Variants in TCERG1L observed in about 807,000 individuals in gnomAD.
The protein encoded by TCERG1L is transcription elongation regulator 1 like, also known as transcription elongation regulator 1-like protein.
TCERG1L carries 37 observed loss-of-function variants against 56.3 expected under a neutral mutation model. The ratio of observed to expected loss-of-function variants is 0.66; its 90% CI spans 0.51 to 0.87. The LOEUF (loss-of-function observed/expected upper bound fraction) is 0.87. Ranked by LOEUF, TCERG1L falls within the 40% of genes least tolerant of loss-of-function variation. The pLI is 0.00. For synonymous variants in TCERG1L, 324 were observed against 326.3 expected (o/e 0.99, Z 0.08); for missense variants, 799 against 774.2 (o/e 1.03, Z -0.38).
chr10:131,290,330 C>T (rs898282995), intron 3 of TCERG1L, among the ~76,000 whole-genome samples: 2 of 152,124 alleles, frequency 1.3e-5, no homozygotes, highest in African/African-American at 2.4e-5. Flanking sequence ...TTGAAGCCTA[C>T]TTTTAAAAAC....
At chr10:131,188,205 C>T (rs1015591232) in intron 4 of TCERG1L, among the ~76,000 whole-genome samples, 1 of 152,210 alleles carries the variant, frequency 6.6e-6, no homozygotes, top group African/African-American at 2.4e-5. Flanking sequence ...TGTGAAGTTC[C>T]CTGCCTGTTT....
chr10:131,184,918 T>C (rs909134241), intron 4 of TCERG1L, among the ~76,000 whole-genome samples: 3 of 152,102 alleles, frequency 2.0e-5, no homozygotes, highest in African/African-American at 7.2e-5. Flanking sequence ...CTCTAGAAAG[T>C]CATGTATACA....
At chr10:131,219,721 C>T (rs759412090) in intron 4 of TCERG1L, among the ~76,000 whole-genome samples, 9 of 152,168 alleles carry the variant, frequency 5.9e-5, no homozygotes, top group Non-Finnish European at 1.0e-4. Context: ...CTGGGGCGTT[C>T]GGGGCTGGAT....
chr10:131,214,094 A>G (rs1004170749), intron 4 of TCERG1L, among the ~76,000 whole-genome samples: 4 of 152,208 alleles, frequency 2.6e-5, no homozygotes, highest in Non-Finnish European at 5.9e-5. Flanking sequence ...CTGGGCAGTC[A>G]TTTATGAATT....
At chr10:131,159,504 T>C (rs1184588328) in intron 6 of TCERG1L, among the ~76,000 whole-genome samples, 2 of 152,104 alleles carry the variant, frequency 1.3e-5, no homozygotes, top group East Asian at 1.9e-4. Context: ...GCATGGGTTG[T>C]TTCAAATGGG....
intron 4 of TCERG1L, among the ~76,000 whole-genome samples, chr10:131,204,389 T>C (rs2133479155): frequency 6.6e-6 from 1 of 152,340 alleles, no homozygotes; most frequent in African/African-American, 2.4e-5. Context: ...CTCAGGAAAC[T>C]GGCACCTGCC....
chr10:131,224,987 C>T (rs1455360922), intron 4 of TCERG1L, among the ~76,000 whole-genome samples: 7 of 152,120 alleles, frequency 4.6e-5, no homozygotes, highest in East Asian at 1.9e-4. Flanking sequence ...GTGGACCTGC[C>T]GTGTGCTGAG....
chr10:131,094,226 G>A lies in TCERG1L; in HGVS notation c.1605-908C>T, dbSNP rs115211230. Among the ~76,000 whole-genome samples, 731 of 152,320 alleles carry A rather than the reference G, an allele frequency of 4.8e-3. 9 individuals carry two copies. The highest frequency in any genetic ancestry group is 0.014 in the Admixed American group (208 of 15,310). On this transcript the variant is annotated intron_variant, in intron 11 of 11. Coordinates refer to ENST00000368642, the MANE Select transcript of TCERG1L (RefSeq NM_174937.4). Reference sequence around the variant, plus strand: ...GGTAGAGGGACCAAGGCCTGGAGCCGCTGGCCTATGCAGATGCACTCGCTT... The same window carrying A: ...GGTAGAGGGACCAAGGCCTGGAGCCACTGGCCTATGCAGATGCACTCGCTT...
intron 4 of TCERG1L, among the ~76,000 whole-genome samples, chr10:131,252,261 T>C (rs1846119915): frequency 6.6e-6 from 1 of 152,174 alleles, no homozygotes; most frequent in African/African-American, 2.4e-5. Flanking sequence ...TTTCAATGGG[T>C]GAGTCACATG....
intron 8 of TCERG1L, among the ~76,000 whole-genome samples, chr10:131,130,902 G>T (rs1178691608): frequency 2.0e-5 from 3 of 151,964 alleles, no homozygotes; most frequent in Non-Finnish European, 2.9e-5. Flanking sequence ...TGCAGGGACG[G>T]GCATCAACCC....
intron 4 of TCERG1L, among the ~76,000 whole-genome samples, chr10:131,186,837 T>C (rs1003597561): frequency 6.6e-6 from 1 of 152,132 alleles, no homozygotes; most frequent in Non-Finnish European, 1.5e-5. Context: ...CATCGGCTGG[T>C]TTTTGTTTTC....
rs1392389008 is a variant in TCERG1L, at chr10:131,103,980, C to T, written c.1485+285G>A. Among the ~76,000 whole-genome samples the T allele has an allele frequency of 2.6e-5, 4 of 152,102 alleles. No homozygotes were observed. The highest frequency in any genetic ancestry group is 3.8e-4 in the East Asian group (2 of 5,196). On this transcript the variant is annotated intron_variant, in intron 10 of 11. Transcript: ENST00000368642. The surrounding 1 kb of genome is among the most constrained non-coding windows in gnomAD (Gnocchi z 4.3). ...TTAAGTATTTCATATTTTTAACATA[C>T]GATTTATAGTCATTTGGAATGAGGG... is the stretch of plus-strand genomic sequence containing the variant.
At chr10:131,229,124 T>C (rs1344147203) in intron 4 of TCERG1L, among the ~76,000 whole-genome samples, 11 of 93,170 alleles carry the variant, frequency 1.2e-4, no homozygotes, top group Non-Finnish European at 1.5e-4. Flanking sequence ...TTCCTCAAGG[T>C]CTCCGGAGGC....
At chr10:131,228,030 C>G (rs574915352) in intron 4 of TCERG1L, among the ~76,000 whole-genome samples, 4 of 151,992 alleles carry the variant, frequency 2.6e-5, no homozygotes, top group South Asian at 2.1e-4. Context: ...CCCAGCCCCC[C>G]TCTCCGTGCT....
chr10:131,213,053 CA>C, intron 4 of TCERG1L, among the ~76,000 whole-genome samples: 1 of 152,354 alleles, frequency 6.6e-6, no homozygotes, highest in African/African-American at 2.4e-5. Context: ...GGCAGCCAAG[CA>C]AACTGTTCCC....
Position 131,146,665 on chromosome 10 carries a change from T to C in TCERG1L, c.1035-5A>G, listed in dbSNP as rs760857179. 1.2e-6 allele frequency: 2 copies of C among 1,607,138 alleles called. No homozygotes were observed. The highest frequency in any genetic ancestry group is 4.5e-5 in the East Asian group (2 of 44,794). On this transcript the variant is annotated splice_polypyrimidine_tract_variant and splice_region_variant and intron_variant, in intron 6 of 11. Transcript: ENST00000368642. ...TCGCCCGTCCAGACCACACACCTGT[T>C]TGAGTGGAAAAACTCATCTCAGTCG...
rs553885927 is a variant in TCERG1L at position 131,179,565 on chromosome 10, C to T, written c.857-12680G>A. On this transcript the variant is annotated intron_variant, in intron 4 of 11. Transcript: ENST00000368642. ...AGCAGCCAGGGGGACTGAGCCAGCC[C>T]AGCCGTGTGACCCTGCAAAGTTCAC... Among the ~76,000 whole-genome samples the T allele has an allele frequency of 3.3e-5, 5 of 152,280 alleles. No homozygotes were observed. In the East Asian group the frequency reaches 9.7e-4, roughly 30 times the overall value.
chr10:131,244,185 C>T (rs1350224105), intron 4 of TCERG1L, among the ~76,000 whole-genome samples: 1 of 152,098 alleles, frequency 6.6e-6, no homozygotes, highest in Non-Finnish European at 1.5e-5. Flanking sequence ...GGGGTGGAGG[C>T]CCGGGGTCCT....
At chr10:131,250,432 G>A (rs939517856) in intron 4 of TCERG1L, among the ~76,000 whole-genome samples, 4 of 90,718 alleles carry the variant, frequency 4.4e-5, no homozygotes, top group Admixed American at 1.0e-4. Context: ...TTCTTTCCTC[G>A]GGGTTCTAAG....
Sources: gnomAD v4.1 joint callset for allele counts (sites outside exome capture counted in the v4.1 genomes callset) on GRCh38, gnomAD v4.1.1 for gene constraint, Gnocchi (gnomAD v3.1) non-coding constraint, MANE v1.5 for transcripts, NCBI Gene and HGNC (gene_info 2026-07-23, HGNC 2026-07-21) for gene names.